The following ZC3H12C variants were observed in gnomAD, a reference collection of about 807,000 sequenced individuals.
ZC3H12C encodes the protein zinc finger CCCH-type containing 12C.
In ZC3H12C, 20 loss-of-function variants were observed where a neutral mutation model predicts 76.3. The observed-to-expected ratio is 0.26, with a 90% CI of 0.18 to 0.38. ZC3H12C has a LOEUF of 0.38. Among genes scored for constraint, ZC3H12C ranks in the 10% least tolerant of loss-of-function variants. ZC3H12C has a pLI of 1.00. For synonymous variants in ZC3H12C, 352 were observed against 399.6 expected (o/e 0.88, Z 1.42); for missense variants, 874 against 1,086.5 (o/e 0.80, Z 2.75).
At position 110,117,353 on chromosome 11, in the gene ZC3H12C, T is replaced by C. The variant is rs181531977; in HGVS notation, c.22-19310T>C. Among the ~76,000 whole-genome samples, 48 of 152,288 alleles carry C rather than the reference T, an allele frequency of 3.2e-4. 1 individual carries two copies. Among genetic ancestry groups the C allele is most frequent in the Admixed American group, 8.5e-4 (13 of 15,290 alleles). The stretch of plus-strand genomic sequence containing the variant: ...GTGATTGTCTAATAGATCATTTTAA[T>C]GTAATCCACATTTCTAAATTTTTTC... On this transcript the variant is annotated intron_variant, in intron 1 of 5. Coordinates refer to ENST00000278590, the MANE Select transcript of ZC3H12C (RefSeq NM_033390.2).
At position 110,137,270 on chromosome 11, in the gene ZC3H12C, A is replaced by G. The variant is rs561816640; in HGVS notation, c.629A>G (p.Gln210Arg). Reference sequence around the variant, plus strand: ...CTTGGAAATAAAAGTGAGGCTGATCAAACGGTTAGTACAATTAACACTATA... The same window carrying G: ...CTTGGAAATAAAAGTGAGGCTGATCGAACGGTTAGTACAATTAACACTATA... ...VKLGNKSEADQTVSTINTITR... is the reference protein window; with the variant it reads ...VKLGNKSEADRTVSTINTITR... Residue 210 changes from glutamine (Q) to arginine (R), a missense_variant, in exon 2 of 6, where the codon CAA becomes CGA. Gln to Arg is a conservative substitution (Grantham distance 43, BLOSUM62 1). This residue lies in a region of ZC3H12C where 269 missense variants were observed against 424.9 expected (regional missense o/e 0.63). Transcript: ENST00000278590. 6.2e-7 allele frequency: 1 copy of G among 1,613,982 alleles called. No homozygotes were observed. Among genetic ancestry groups the G allele is most frequent in the East Asian group, 2.2e-5 (1 of 44,876 alleles).
At chr11:110,117,461 A>C (rs1362353409) in intron 1 of ZC3H12C, among the ~76,000 whole-genome samples, 1 of 151,864 alleles carries the variant, frequency 6.6e-6, no homozygotes, top group Non-Finnish European at 1.5e-5. Flanking sequence ...GTATATGTAT[A>C]GATGTATATA....
At chr11:110,106,582 G>C (rs1861333241) in intron 1 of ZC3H12C, among the ~76,000 whole-genome samples, 1 of 152,314 alleles carries the variant, frequency 6.6e-6, no homozygotes, top group South Asian at 2.1e-4. Flanking sequence ...TCGTGGTAAT[G>C]TCATGGTAAT....
intron 1 of ZC3H12C, among the ~76,000 whole-genome samples, chr11:110,119,674 C>T (rs1861618929): frequency 1.3e-5 from 2 of 152,160 alleles, no homozygotes; most frequent in African/African-American, 2.4e-5. Context: ...AAATGTATTG[C>T]TCACAGTTCT....
chr11:110,131,467 A>C (rs1861864818), intron 1 of ZC3H12C: 1 of 249,164 alleles, frequency 4.0e-6, no homozygotes, highest in Non-Finnish European at 7.7e-6. Flanking sequence ...TTAAGATGTC[A>C]CTGTCGTACC....
At chr11:110,134,579 ATTCC>A (rs1345735042) in intron 1 of ZC3H12C, among the ~76,000 whole-genome samples, 5 of 152,162 alleles carry the variant, frequency 3.3e-5, no homozygotes, top group African/African-American at 4.8e-5. Context: ...TGTTTTTAAA[ATTCC>A]TTCCTTCAAT....
chr11:110,111,559 C>CA (rs60856994), intron 1 of ZC3H12C, among the ~76,000 whole-genome samples: 150,946 of 150,948 alleles, frequency 1, 75,472 homozygotes, highest in Middle Eastern at 1. Context: ...TTTTCTGAGA[C>CA]AAGTCTTGGT....
At chr11:110,130,608 A>G (rs1459111440) in intron 1 of ZC3H12C, among the ~76,000 whole-genome samples, 2 of 152,206 alleles carry the variant, frequency 1.3e-5, no homozygotes, top group Non-Finnish European at 2.9e-5. Context: ...ACTTTTTGGA[A>G]ACATGCAACT....
chr11:110,115,748 CTTTTT>C (rs71476067), intron 1 of ZC3H12C, among the ~76,000 whole-genome samples: 2 of 120,308 alleles, frequency 1.7e-5, no homozygotes, highest in Admixed American at 8.7e-5. Flanking sequence ...TTCTCATTTT[CTTTTT>C]TTTTTTTTTT....
chr11:110,159,640 A>T (rs1324839793), intron 4 of ZC3H12C, 150 bp downstream of exon 4: 9 of 717,122 alleles, frequency 1.3e-5, no homozygotes, highest in Non-Finnish European at 2.0e-5. Context: ...AGTGGGAGTC[A>T]GGAAAACTGC....
intron 1 of ZC3H12C, among the ~76,000 whole-genome samples, chr11:110,113,988 A>T (rs186603416): frequency 2.0e-5 from 3 of 152,310 alleles, no homozygotes; most frequent in Non-Finnish European, 4.4e-5. Flanking sequence ...CCTTGCTAAA[A>T]TGTGGGTAGA....
At chr11:110,152,618 A>T (rs557281931) in intron 2 of ZC3H12C, among the ~76,000 whole-genome samples, 2 of 151,746 alleles carry the variant, frequency 1.3e-5, no homozygotes, top group Admixed American at 6.6e-5. Context: ...TGTTTTCTTT[A>T]TTCTGATCAA....
At chr11:110,151,403 C>T (rs1862268735) in intron 2 of ZC3H12C, among the ~76,000 whole-genome samples, 3 of 152,122 alleles carry the variant, frequency 2.0e-5, no homozygotes, top group South Asian at 4.1e-4. Context: ...ACTAGCAAAG[C>T]TTAATACAAT....
intron 2 of ZC3H12C, among the ~76,000 whole-genome samples, chr11:110,152,128 G>A (rs959498069): frequency 6.6e-6 from 1 of 152,074 alleles, no homozygotes; most frequent in African/African-American, 2.4e-5. Context: ...CATTGGGATG[G>A]GTATCATTTT....
At chr11:110,099,698 A>G (rs1032323546) in intron 1 of ZC3H12C, among the ~76,000 whole-genome samples, 1 of 152,036 alleles carries the variant, frequency 6.6e-6, no homozygotes, top group South Asian at 2.1e-4. Context: ...TGTAAAACCA[A>G]CTACTCGGGA....
In ZC3H12C at chr11:110,165,422, G is replaced by A; in HGVS notation, c.2337G>A (p.Arg779=). ...AGGAAGGCCTGGGAAGCTGGGAGAG[G>A]CCAGGCTATGGGATCGACGCCTATG... ...SRQEGLGSWE[R]PGYGIDAYGY... The change falls in exon 6 of 6, where the codon AGG becomes AGA. Residue 779 remains arginine, a synonymous_variant. Transcript: ENST00000278590. 2 of 1,614,000 alleles carry A rather than the reference G, an allele frequency of 1.2e-6. No homozygotes were observed. The highest frequency in any genetic ancestry group is 1.7e-6 in the Non-Finnish European group (2 of 1,179,894).
chr11:110,115,132 G>A (rs940309838), intron 1 of ZC3H12C, among the ~76,000 whole-genome samples: 2 of 151,650 alleles, frequency 1.3e-5, no homozygotes, highest in African/African-American at 2.4e-5. Flanking sequence ...TTAGAGACAG[G>A]GTCTCACACT....
chr11:110,150,758 G>A (rs1862258386), intron 2 of ZC3H12C, among the ~76,000 whole-genome samples: 1 of 151,688 alleles, frequency 6.6e-6, no homozygotes, highest in Non-Finnish European at 1.5e-5. Context: ...GTATGGTTGT[G>A]GATTTTTTTC....
chr11:110,144,350 T>C (rs1368466810), intron 2 of ZC3H12C, among the ~76,000 whole-genome samples: 1 of 152,230 alleles, frequency 6.6e-6, no homozygotes, highest in African/African-American at 2.4e-5. Flanking sequence ...TTTATTACCT[T>C]ATTCAGTTCT....
Sources: gnomAD v4.1 joint callset for allele counts (sites outside exome capture counted in the v4.1 genomes callset) on GRCh38, gnomAD v4.1.1 for gene constraint, gnomAD v4.1.1 regional missense constraint, MANE v1.5 for transcripts, NCBI Gene and HGNC (gene_info 2026-07-23, HGNC 2026-07-21) for gene names.